WDPCP: variants seen among roughly 807,000 people sequenced by gnomAD.
The protein encoded by WDPCP is WD repeat-containing and planar cell polarity effector protein fritz homolog.
A neutral mutation model predicts 93.1 loss-of-function variants in WDPCP; 71 were observed. The observed-to-expected ratio is 0.76, with a 90% CI of 0.63 to 0.93. WDPCP has a LOEUF of 0.93. Among genes scored for constraint, WDPCP ranks in the 40% least tolerant of loss-of-function variants. The pLI, the probability that WDPCP is intolerant of heterozygous loss-of-function variation, is 0.00. For synonymous variants in WDPCP, 315 were observed against 315.0 expected, an observed-to-expected ratio of 1.00 and a Z score of 0.00; for missense variants, 844 against 887.4, an observed-to-expected ratio of 0.95 and a Z score of 0.62.
chr2:63,174,560 A>C, intron 15 of WDPCP, 110 bp downstream of exon 15: 1 of 1,480,486 alleles, frequency 6.8e-7, no homozygotes, highest in South Asian at 1.2e-5. Flanking sequence ...GAGAAATGCA[A>C]ATTTTTCTCC....
At chr2:63,148,485 G>A (rs758148933) in intron 17 of WDPCP, among the ~76,000 whole-genome samples, 3 of 151,942 alleles carry the variant, frequency 2.0e-5, no homozygotes, top group African/African-American at 7.3e-5. Context: ...GATTACAGGC[G>A]TGTACCACCA....
At chr2:63,763,673 T>A (rs1458163865) in intron 2 of WDPCP, among the ~76,000 whole-genome samples, 2 of 151,886 alleles carry the variant, frequency 1.3e-5, no homozygotes, top group Non-Finnish European at 2.9e-5. Flanking sequence ...AAAAAAGTGT[T>A]TTGATTAGTG....
the WDPCP span, among the ~76,000 whole-genome samples, chr2:63,836,183 G>A: frequency 6.6e-6 from 1 of 152,164 alleles, no homozygotes; most frequent in Non-Finnish European, 1.5e-5. Context: ...ATTTCGTTAG[G>A]TTGGTGGGTG....
At chr2:63,745,018 G>C (rs1033182264) in intron 2 of WDPCP, among the ~76,000 whole-genome samples, 10 of 152,026 alleles carry the variant, frequency 6.6e-5, no homozygotes, top group Non-Finnish European at 1.5e-5. Context: ...TGCTTCTGCA[G>C]ATCTTTTTAA....
chr2:63,403,442 C>T (rs1694306334), intron 10 of WDPCP, among the ~76,000 whole-genome samples: 1 of 151,956 alleles, frequency 6.6e-6, no homozygotes, highest in Admixed American at 6.6e-5. Context: ...AAAAAATTCT[C>T]TTGGTTGAAA....
intron 2 of WDPCP, chr2:63,717,522 C>A: frequency 2.1e-6 from 1 of 468,766 alleles, no homozygotes; most frequent in South Asian, 1.7e-5. Context: ...CGAACAAACT[C>A]AGGACAGGTT....
chr2:63,468,528 C>T (rs922851899), intron 6 of WDPCP, among the ~76,000 whole-genome samples: 3 of 152,172 alleles, frequency 2.0e-5, no homozygotes, highest in African/African-American at 7.2e-5. Context: ...TTCTAAGTAA[C>T]ATGATATGTT....
intron 2 of WDPCP, among the ~76,000 whole-genome samples, chr2:63,786,555 C>T (rs1172343839): frequency 6.6e-6 from 1 of 152,152 alleles, no homozygotes; most frequent in Non-Finnish European, 1.5e-5. Context: ...AAATTCTGAT[C>T]TATATCCTTA....
At chr2:63,166,181 C>T (rs1347962910) in intron 15 of WDPCP, among the ~76,000 whole-genome samples, 2 of 152,080 alleles carry the variant, frequency 1.3e-5, no homozygotes, top group Non-Finnish European at 2.9e-5. Flanking sequence ...ATTCTCCTGC[C>T]TCAGCCTCCC....
chr2:63,361,838 C>T (rs1690478696), intron 12 of WDPCP, among the ~76,000 whole-genome samples: 1 of 152,142 alleles, frequency 6.6e-6, no homozygotes, highest in East Asian at 1.9e-4. Context: ...GTGAGGCATC[C>T]AAGCTCCAAG....
chr2:63,661,952 A>G (rs1290070548), intron 2 of WDPCP, among the ~76,000 whole-genome samples: 1 of 152,224 alleles, frequency 6.6e-6, no homozygotes, highest in African/African-American at 2.4e-5. Context: ...ATAGGGATCC[A>G]TAATAGAACA....
rs190143895 is a variant in WDPCP, at chr2:63,569,382, T to C, written c.75+18815A>G. 2.4e-3 allele frequency among the ~76,000 whole-genome samples: 362 copies of C among 152,316 alleles called. 2 individuals are homozygous for C. The highest frequency in any genetic ancestry group is 8.3e-3 in the African/African-American group (345 of 41,574). ...ACTGTTAATGTTCTATTTCTTAAGC[T>C]GGAGAGCAGATACATGTATTTTTTT... On this transcript the variant is annotated intron_variant, in intron 1 of 17. Coordinates refer to ENST00000272321, the MANE Select transcript of WDPCP (RefSeq NM_015910.7).
chr2:63,217,219 T>C (rs1038433453), intron 14 of WDPCP, among the ~76,000 whole-genome samples: 5 of 152,234 alleles, frequency 3.3e-5, no homozygotes, highest in Non-Finnish European at 5.9e-5. Flanking sequence ...GTCAATGTTA[T>C]ATAGAATTTA....
At chr2:63,547,409 C>A (rs566189167) in intron 1 of WDPCP, among the ~76,000 whole-genome samples, 2 of 151,966 alleles carry the variant, frequency 1.3e-5, no homozygotes, top group South Asian at 2.1e-4. Context: ...TCCACTACTG[C>A]GTAAATATCC....
chr2:63,729,498 A>T (rs1669531309), intron 2 of WDPCP, among the ~76,000 whole-genome samples: 5 of 152,112 alleles, frequency 3.3e-5, no homozygotes, highest in Admixed American at 2.6e-4. Context: ...AGCCTGTTGA[A>T]GGTCATCCAG....
At chr2:63,332,431 G>C (rs879598507) in intron 12 of WDPCP, among the ~76,000 whole-genome samples, 91 of 151,848 alleles carry the variant, frequency 6.0e-4, no homozygotes, top group Non-Finnish European at 2.9e-4. Context: ...CCTTCTAATG[G>C]TTCCTACTGT....
chr2:63,502,677 GAAT>G (rs1278826946), intron 1 of WDPCP, among the ~76,000 whole-genome samples: 1 of 151,654 alleles, frequency 6.6e-6, no homozygotes, highest in Non-Finnish European at 1.5e-5. Context: ...ATGTGTGTAT[GAAT>G]AATATTAATC....
intron 1 of WDPCP, among the ~76,000 whole-genome samples, chr2:63,529,878 C>G (rs1221451190): frequency 6.6e-6 from 1 of 151,984 alleles, no homozygotes; most frequent in Non-Finnish European, 1.5e-5. Context: ...AATTTCAGAC[C>G]CTGTTATTGG....
chr2:63,783,644 C>T (rs1670429077), intron 2 of WDPCP, among the ~76,000 whole-genome samples: 1 of 152,028 alleles, frequency 6.6e-6, no homozygotes, highest in Non-Finnish European at 1.5e-5. Context: ...AACTGGAGGC[C>T]ATTATCTTAA....
Sources: allele counts gnomAD v4.1 joint callset (sites outside exome capture counted in the v4.1 genomes callset), GRCh38; gene constraint gnomAD v4.1.1; transcripts MANE v1.5; gene names NCBI Gene and HGNC (gene_info 2026-07-23, HGNC 2026-07-21).